TACC1: variants seen among roughly 807,000 people sequenced by gnomAD.
TACC1 encodes transforming acidic coiled-coil containing protein 1.
Under a neutral mutation model 84.4 loss-of-function variants are expected in TACC1, and 48 were observed. The ratio of observed to expected loss-of-function variants is 0.57; its 90% CI spans 0.45 to 0.72. The LOEUF is 0.72. TACC1 is among the 30% of genes least tolerant of loss of function. The pLI is 0.00. For missense variants in TACC1, 920 were observed against 973.0 expected, an observed-to-expected ratio of 0.95 and a Z score of 0.72; for synonymous variants, 372 against 376.3, an observed-to-expected ratio of 0.99 and a Z score of 0.13.
chr8:38,780,823 T>C (rs1815804309), intron 3 of TACC1, among the ~76,000 whole-genome samples: 1 of 152,146 alleles, frequency 6.6e-6, no homozygotes, highest in Non-Finnish European at 1.5e-5. Context: ...AGGACCAAAA[T>C]ACAGTAATCA....
intron 2 of TACC1, among the ~76,000 whole-genome samples, chr8:38,812,321 A>G (rs1291214721): frequency 6.6e-6 from 1 of 151,864 alleles, no homozygotes; most frequent in African/African-American, 2.4e-5. Context: ...CCCTTTTGAA[A>G]TCCTTAATAA....
At chr8:38,781,852 T>C (rs1816055709) in intron 3 of TACC1, among the ~76,000 whole-genome samples, 1 of 152,080 alleles carries the variant, frequency 6.6e-6, no homozygotes, top group Admixed American at 6.6e-5. Context: ...AAGTTTCAGA[T>C]GGTTTTCTTG....
chr8:38,797,891 T>A (rs1320613620), intron 2 of TACC1, among the ~76,000 whole-genome samples: 1 of 152,182 alleles, frequency 6.6e-6, no homozygotes, highest in African/African-American at 2.4e-5. Context: ...GATTTCTGTC[T>A]GTGGAAGGGG....
At chr8:38,782,850 G>T (rs1274041359), upstream of TACC1, among the ~76,000 whole-genome samples, 2 of 152,142 alleles carry the variant, frequency 1.3e-5, no homozygotes, top group Non-Finnish European at 2.9e-5. Context: ...TAGGGATAAT[G>T]TTGGGGTTAT....
rs1033118247 is a variant in TACC1 at position 38,848,939 on chromosome 8, A to G, written c.*916A>G. 5 of 151,384 alleles carry G rather than the reference A, an allele frequency of 3.3e-5. No individual in the cohort carries two copies. Among genetic ancestry groups the G allele is most frequent in the African/African-American group, 1.2e-4 (5 of 41,236 alleles). 9.4% of individuals were successfully genotyped at this position (151,384 alleles called of 1,614,324 possible). ...CTCTGCCTCCATTTGTTAATACAGA[A>G]TCAACATTTAGTCTTCATTATCTTT... On this transcript the variant is annotated 3_prime_UTR_variant, in exon 13 of 13. Transcript: ENST00000317827.
At chr8:38,842,596 A>C in intron 10 of TACC1, 149 bp downstream of exon 10, 1 of 920,994 alleles carries the variant, frequency 1.1e-6, no homozygotes, top group Non-Finnish European at 1.6e-6. Context: ...TATTCCAGTG[A>C]AGCTGGATTT....
upstream of TACC1, among the ~76,000 whole-genome samples, chr8:38,784,151 G>A (rs942152668): frequency 6.6e-6 from 1 of 152,198 alleles, no homozygotes; most frequent in Non-Finnish European, 1.5e-5. Flanking sequence ...CCAGGACTAG[G>A]AGCAGCAGAC....
At chr8:38,808,539 A>T (rs760288079) in intron 2 of TACC1, among the ~76,000 whole-genome samples, 6 of 152,338 alleles carry the variant, frequency 3.9e-5, no homozygotes, top group South Asian at 2.1e-4. Context: ...CAGCCTCCTG[A>T]ATAGCTGGAA....
At chr8:38,845,093 T>G (rs541162869) in intron 11 of TACC1, 1 of 152,316 alleles carries the variant, frequency 6.6e-6, no homozygotes, top group East Asian at 1.9e-4. Context: ...CCCAGCTAAT[T>G]TTTGTATTTT....
chr8:38,787,039 G>T (rs1454682128), upstream of TACC1, among the ~76,000 whole-genome samples: 1 of 151,794 alleles, frequency 6.6e-6, no homozygotes, highest in African/African-American at 2.4e-5. Flanking sequence ...CCGCGCAGCC[G>T]GCAAGCCCCG....
chr8:38,833,095 C>T lies in TACC1; in HGVS notation c.1713+1918C>T, dbSNP rs576228253. Among the ~76,000 whole-genome samples the T allele has an allele frequency of 6.9e-4, 105 of 152,360 alleles. 1 individual carries two copies. The highest frequency in any genetic ancestry group is 5.0e-3 in the Admixed American group (76 of 15,308). On this transcript the variant is annotated intron_variant, in intron 6 of 12. Transcript: ENST00000317827. The stretch of plus-strand genomic sequence containing the variant: ...CATATTAGATGGCCCAGGCCTAAAA[C>T]AGATCTTCTGGCCAATTCTCTGTGA...
Position 38,850,283 on chromosome 8 carries a change from C to G in TACC1, c.*2260C>G, listed in dbSNP as rs543407958. 5.9e-5 allele frequency: 9 copies of G among 152,316 alleles called. No homozygotes were observed. In the East Asian group the frequency reaches 1.5e-3, roughly 26 times the overall value. 9.4% of individuals were successfully genotyped at this position (152,316 alleles called of 1,614,324 possible). ...CCGTTATGAGGAAATATCCCCCATT[C>G]GAACTTAACAGATGCCTCCTCTCCA... is the stretch of plus-strand genomic sequence containing the variant. On this transcript the variant is annotated 3_prime_UTR_variant, in exon 13 of 13. Transcript: ENST00000317827.
At chr8:38,819,484 A>G (rs1356902972) in intron 2 of TACC1, 38 bp from the exon 3 acceptor site, 7 of 1,567,200 alleles carry the variant, frequency 4.5e-6, no homozygotes, top group South Asian at 3.6e-5. Context: ...CCAGTGACAG[A>G]TAATTCTTTA....
At chr8:38,824,087 C>T in intron 3 of TACC1, 2 of 1,222,194 alleles carry the variant, frequency 1.6e-6, no homozygotes, top group Non-Finnish European at 2.2e-6. Flanking sequence ...TCTCCCCTCC[C>T]CCAGCCATCT....
Position 38,820,217 on chromosome 8 carries a change from A to T in TACC1, c.973A>T (p.Thr325Ser), listed in dbSNP as rs547457743. The T allele has an allele frequency of 3.7e-6, 6 of 1,613,878 alleles. No homozygotes were observed. Among genetic ancestry groups the T allele is most frequent in the Non-Finnish European group, 5.1e-6 (6 of 1,179,980 alleles). ...ACCTCTCAAGCTTGAGTTTGATTTC[A>T]CAGAAGATACAGGAAACATAGAGGC... Reference protein sequence around the residue: ...SSPLKLEFDFTEDTGNIEARK... With the variant: ...SSPLKLEFDFSEDTGNIEARK... Residue 325 changes from threonine to serine, a missense_variant, in exon 3 of 13, where the codon ACA becomes TCA. Transcript: ENST00000317827.
At chr8:38,740,273 G>C (rs961493787) in intron 1 of TACC1, among the ~76,000 whole-genome samples, 1 of 152,156 alleles carries the variant, frequency 6.6e-6, no homozygotes, top group African/African-American at 2.4e-5. Context: ...AGGTGATCCA[G>C]CCATTCCATT....
At chr8:38,760,982 G>T (rs1031349637) in intron 3 of TACC1, among the ~76,000 whole-genome samples, 3 of 152,172 alleles carry the variant, frequency 2.0e-5, no homozygotes, top group Non-Finnish European at 4.4e-5. Context: ...GTAAGGCAGG[G>T]TCTCTTCTGC....
rs543549997 is a variant in TACC1, at chr8:38,737,000, A to G, written c.-674-5351A>G. Among the ~76,000 whole-genome samples the G allele has an allele frequency of 2.6e-5, 4 of 152,304 alleles. No individual in the cohort carries two copies. The East Asian group carries it at 7.7e-4, about 29-fold the overall frequency. On this transcript the variant is annotated intron_variant, in intron 1 of 14. Transcript: ENST00000518415. ...TTGTGGAAGGGCCCAGCGTGGGGAC[A>G]TTTAGGGCATGGAAGTCATTTGACT...
At chr8:38,756,635 A>C (rs976826679) in intron 3 of TACC1, among the ~76,000 whole-genome samples, 1 of 152,216 alleles carries the variant, frequency 6.6e-6, no homozygotes, top group South Asian at 2.1e-4. Flanking sequence ...AGGGACATTA[A>C]AAGCTAAAGA....
Sources: allele counts gnomAD v4.1 joint callset (sites outside exome capture counted in the v4.1 genomes callset), GRCh38; gene constraint gnomAD v4.1.1; transcripts MANE v1.5; gene names NCBI Gene and HGNC (gene_info 2026-07-23, HGNC 2026-07-21).